RELB: variants seen among roughly 807,000 people sequenced by gnomAD.
The protein encoded by RELB is RELB proto-oncogene, NF-kB subunit.
Under a neutral mutation model 55.4 loss-of-function variants are expected in RELB, and 14 were observed. The observed-to-expected ratio is 0.25, with a 90% confidence interval of 0.17 to 0.40. The LOEUF is 0.40. RELB is among the 10% of genes least tolerant of loss of function. The pLI is 1.00. For missense variants in RELB, 669 were observed against 830.7 expected (o/e 0.81, Z 2.39); for synonymous variants, 409 against 371.3 (o/e 1.10, Z -1.17).
intron 1 of RELB, 109 bp downstream of exon 1, chr19:45,001,794 G>A: frequency 1.6e-6 from 1 of 642,142 alleles, no homozygotes; most frequent in Non-Finnish European, 2.5e-6. Flanking sequence ...TAAGGGTTTC[G>A]CGGGGGCAGA....
intron 8 of RELB, among the ~76,000 whole-genome samples, chr19:45,032,018 AC>A: frequency 6.6e-6 from 1 of 151,332 alleles, no homozygotes; most frequent in African/African-American, 2.4e-5. Context: ...CGGGCAGATC[AC>A]GAGGTCAGGA....
Position 45,011,973 on chromosome 19 carries a change from C to T in RELB, c.201C>T (p.Gly67=), listed in dbSNP as rs772255221. The T allele has an allele frequency of 6.4e-6, 10 of 1,566,184 alleles. No homozygotes were observed. The South Asian group carries it at 9.4e-5, about 15-fold the overall frequency. The change falls in exon 4 of 12, where the codon GGC becomes GGT. Residue 67 remains glycine, a synonymous_variant. Coordinates refer to ENST00000221452, the MANE Select transcript of RELB (RefSeq NM_006509.4). ...IDEYIKENGF[G]LDGGQPGPGE... ...AGTACATCAAGGAGAACGGCTTCGGCCTGGACGGGGGACAGCCGGGCCCGG... is the reference window on the plus strand; with the variant it reads ...AGTACATCAAGGAGAACGGCTTCGGTCTGGACGGGGGACAGCCGGGCCCGG...
intron 4 of RELB, among the ~76,000 whole-genome samples, chr19:45,014,094 G>A (rs950917593): frequency 6.7e-6 from 1 of 150,040 alleles, no homozygotes; most frequent in South Asian, 2.1e-4. Context: ...GAATTGGTAA[G>A]TTATCTATGG....
chr19:45,030,147 A>G, intron 8 of RELB, among the ~76,000 whole-genome samples: 1 of 151,316 alleles, frequency 6.6e-6, no homozygotes, highest in Non-Finnish European at 1.5e-5. Context: ...AGCCAGGGCG[A>G]CAGAGACAGA....
At chr19:45,037,283 G>GAAAA in intron 11 of RELB, 122 bp from the exon 12 acceptor site, 4 of 872,908 alleles carry the variant, frequency 4.6e-6, no homozygotes, top group Non-Finnish European at 4.8e-6. Flanking sequence ...CTCCATCTCA[G>GAAAA]AAAAAAAAAA....
At chr19:45,003,925 T>G (rs1310764833) in intron 2 of RELB, among the ~76,000 whole-genome samples, 2 of 126,036 alleles carry the variant, frequency 1.6e-5, no homozygotes, top group African/African-American at 6.0e-5. Context: ...GTTTTTTTTT[T>G]TTTTTTTTTT....
intron 4 of RELB, among the ~76,000 whole-genome samples, chr19:45,019,303 C>G (rs547583991): frequency 3.6e-4 from 54 of 152,058 alleles, no homozygotes; most frequent in African/African-American, 1.3e-3. Context: ...GCTGAAGCAA[C>G]CCACCTTCCC....
intron 8 of RELB, among the ~76,000 whole-genome samples, chr19:45,032,141 CAGG>C (rs1303661978): frequency 6.6e-6 from 1 of 151,836 alleles, no homozygotes; most frequent in Non-Finnish European, 1.5e-5. Context: ...GAGACTGAGG[CAGG>C]AGAATTACTT....
rs564032449 is a variant in RELB at position 45,037,967 on chromosome 19, A to C, written c.*177A>C. On this transcript the variant is annotated 3_prime_UTR_variant, in exon 12 of 12. Coordinates refer to ENST00000221452, the MANE Select transcript of RELB (RefSeq NM_006509.4). ...GGGTTTCCCCTTGAGCCCATTTTAC[A>C]GATGAGGAAACTGAGTCCGGAGAGG... 129 of 551,416 alleles carry C rather than the reference A, an allele frequency of 2.3e-4. No homozygotes were observed. The African/African-American group carries it at 2.4e-3, about 10-fold the overall frequency. The allele number at this position is 551,416 out of a possible 1,614,324, so 34.2% of individuals were successfully genotyped here.
rs1199785364 is a variant in RELB at position 45,034,497 on chromosome 19, C to A, written c.1323C>A (p.Ile441=). 6.8e-6 allele frequency: 11 copies of A among 1,609,450 alleles called. No individual in the cohort carries two copies. Among genetic ancestry groups the A allele is most frequent in the African/African-American group, 1.3e-5 (1 of 74,832 alleles). ...AACGGCGGAAGAAAAAGCCGGCCAT[C>A]CTGGACCACTTCCTGCCCAACCACG... ...ESKRRKKKPA[I]LDHFLPNHGS... Residue 441 remains isoleucine, a synonymous_variant, in exon 11 of 12, where the codon ATC becomes ATA. Coordinates refer to ENST00000221452, the MANE Select transcript of RELB (RefSeq NM_006509.4).
At chr19:45,016,866 C>T (rs1432392360) in intron 4 of RELB, among the ~76,000 whole-genome samples, 1 of 152,020 alleles carries the variant, frequency 6.6e-6, no homozygotes, top group African/African-American at 2.4e-5. Flanking sequence ...AACAAACAAA[C>T]AAACAAACAA....
At chr19:45,024,950 C>A (rs186654177) in intron 5 of RELB, among the ~76,000 whole-genome samples, 1 of 152,230 alleles carries the variant, frequency 6.6e-6, no homozygotes, top group African/African-American at 2.4e-5. Context: ...ACCTCTGCCT[C>A]CCGGGTTCAA....
chr19:45,005,728 C>G (rs1305249335), intron 2 of RELB, among the ~76,000 whole-genome samples: 2 of 152,190 alleles, frequency 1.3e-5, no homozygotes. Context: ...CTCAGCCTCC[C>G]GAGTAGCTGA....
At chr19:45,028,233 G>A (rs1420735394) in intron 7 of RELB, among the ~76,000 whole-genome samples, 2 of 151,988 alleles carry the variant, frequency 1.3e-5, no homozygotes, top group Non-Finnish European at 2.9e-5. Flanking sequence ...TGTTGCCCAG[G>A]CTGGTCTTGA....
At chr19:45,019,003 C>T (rs1971453223) in intron 4 of RELB, among the ~76,000 whole-genome samples, 1 of 152,154 alleles carries the variant, frequency 6.6e-6, no homozygotes, top group Non-Finnish European at 1.5e-5. Context: ...CATTTTGCCA[C>T]ATCTGCTGTG....
chr19:45,001,659 C>T lies in RELB; in HGVS notation c.80C>T (p.Pro27Leu). The change falls in exon 1 of 12, where the codon CCG (proline) becomes CTG (leucine). Residue 27 changes from proline to leucine, a missense_variant. Physicochemically the swap from Pro to Leu is moderately conservative, Grantham distance 98 (BLOSUM62 -3). Transcript: ENST00000221452. ...AMPSRRVARP[P>L]AAPELGALGS... ...CCGAGTCGCCGCGTCGCCAGACCGCCGGCTGCGCCGGAGCTGGGGGCCTTA... is the reference window on the plus strand; with the variant it reads ...CCGAGTCGCCGCGTCGCCAGACCGCTGGCTGCGCCGGAGCTGGGGGCCTTA... The T allele has an allele frequency of 6.6e-7, 1 of 1,521,938 alleles. No individual in the cohort carries two copies. Among genetic ancestry groups the T allele is most frequent in the Non-Finnish European group, 8.8e-7 (1 of 1,140,886 alleles). 94.3% of individuals were successfully genotyped at this position (1,521,938 alleles called of 1,614,324 possible). A position where few individuals can be genotyped will look rare whatever the true frequency, so the allele number is the denominator to read the frequency against.
intron 2 of RELB, among the ~76,000 whole-genome samples, chr19:45,003,915 G>GTTTTTTTTTTTTTTTTTTTTT (rs1039624578): frequency 1.6e-5 from 1 of 63,574 alleles, no homozygotes; most frequent in African/African-American, 5.9e-5. Flanking sequence ...TGTTTTTTGT[G>GTTTTTTTTTTTTTTTTTTTTT]TTTTTTTTTT....
intron 4 of RELB, among the ~76,000 whole-genome samples, chr19:45,018,231 C>T (rs985514874): frequency 4.6e-5 from 7 of 151,936 alleles, no homozygotes; most frequent in Non-Finnish European, 5.9e-5. Context: ...GGTGAAACCC[C>T]GTCTCTACTA....
intron 4 of RELB, among the ~76,000 whole-genome samples, chr19:45,015,470 C>G (rs1332975898): frequency 6.6e-6 from 1 of 152,066 alleles, no homozygotes; most frequent in African/African-American, 2.4e-5. Flanking sequence ...CATGGTGGCT[C>G]ATGCCTGTGA....
Sources: gnomAD v4.1 joint callset for allele counts (sites outside exome capture counted in the v4.1 genomes callset) on GRCh38, gnomAD v4.1.1 for gene constraint, MANE v1.5 for transcripts, NCBI Gene and HGNC (gene_info 2026-07-23, HGNC 2026-07-21) for gene names.